NRG3: variants seen among roughly 807,000 people sequenced by gnomAD.
NRG3 encodes the protein neuregulin 3.
Under a neutral mutation model 66.9 loss-of-function variants are expected in NRG3, and 31 were observed. The observed-to-expected ratio is 0.46, with a 90% CI of 0.35 to 0.63. NRG3 has a LOEUF of 0.63. Ranked by LOEUF, NRG3 falls within the 20% of genes least tolerant of loss-of-function variation. The pLI is 0.00. For missense variants in NRG3, 910 were observed against 878.9 expected, an observed-to-expected ratio of 1.04 and a Z score of -0.45; for synonymous variants, 393 against 359.4, an observed-to-expected ratio of 1.09 and a Z score of -1.06.
At chr10:82,458,364 C>G (rs994728880) in intron 2 of NRG3, among the ~76,000 whole-genome samples, 1 of 152,146 alleles carries the variant, frequency 6.6e-6, no homozygotes, top group African/African-American at 2.4e-5. Flanking sequence ...ACAAACAGAG[C>G]ATCCACTCTG....
At chr10:82,979,870 A>G (rs1047013234) in intron 8 of NRG3, among the ~76,000 whole-genome samples, 1 of 152,170 alleles carries the variant, frequency 6.6e-6, no homozygotes, top group Admixed American at 6.5e-5. Context: ...TGACTGTGAT[A>G]ATATTTTATG....
At chr10:82,358,636 G>A (rs911705835) in intron 1 of NRG3, 103 bp from the exon 2 acceptor site, 11 of 1,512,432 alleles carry the variant, frequency 7.3e-6, no homozygotes, top group Non-Finnish European at 1.0e-5. Context: ...AGAGGTCAGA[G>A]CCCATGAGAA....
intron 1 of NRG3, among the ~76,000 whole-genome samples, chr10:81,930,196 A>G (rs1477485949): frequency 6.6e-6 from 1 of 152,140 alleles, no homozygotes; most frequent in East Asian, 1.9e-4. Flanking sequence ...AAACTGGTAC[A>G]CTGCAATTCA....
chr10:82,970,923 T>G (rs1592131202), intron 6 of NRG3, among the ~76,000 whole-genome samples: 1 of 152,172 alleles, frequency 6.6e-6, no homozygotes, highest in Admixed American at 6.5e-5. Flanking sequence ...CTGAGGCTGG[T>G]TAATTTATAA....
chr10:82,284,640 T>C (rs1004507749), intron 1 of NRG3, among the ~76,000 whole-genome samples: 2 of 152,256 alleles, frequency 1.3e-5, no homozygotes, highest in South Asian at 2.1e-4. Context: ...TTTGTATTTC[T>C]CTTCTCTCAT....
intron 1 of NRG3, among the ~76,000 whole-genome samples, chr10:82,326,818 T>C (rs2081896368): frequency 6.6e-6 from 1 of 152,222 alleles, no homozygotes. Flanking sequence ...TGGAAATTTC[T>C]CATCACCTTT....
At chr10:82,466,924 AAAAAC>A (rs1248769684) in intron 2 of NRG3, among the ~76,000 whole-genome samples, 1 of 152,098 alleles carries the variant, frequency 6.6e-6, no homozygotes, top group African/African-American at 2.4e-5. Flanking sequence ...AAAAAAAAAA[AAAAAC>A]AAAACATATT....
chr10:82,174,256 T>G (rs2072860735), intron 1 of NRG3, among the ~76,000 whole-genome samples: 1 of 152,150 alleles, frequency 6.6e-6, no homozygotes, highest in Non-Finnish European at 1.5e-5. Context: ...CCTTGAGTAA[T>G]TTCAAGGTTG....
chr10:82,582,135 T>C (rs905864447), intron 2 of NRG3, among the ~76,000 whole-genome samples: 2 of 152,082 alleles, frequency 1.3e-5, no homozygotes, highest in Non-Finnish European at 2.9e-5. Flanking sequence ...ATATTTATAC[T>C]CGTCAGCAAA....
chr10:82,442,484 G>A (rs2090480458), intron 2 of NRG3, among the ~76,000 whole-genome samples: 1 of 152,156 alleles, frequency 6.6e-6, no homozygotes, highest in African/African-American at 2.4e-5. Flanking sequence ...GTGAGAAGGA[G>A]ATCCACGTGG....
chr10:82,194,899 G>T (rs116736218), intron 1 of NRG3, among the ~76,000 whole-genome samples: 4 of 152,108 alleles, frequency 2.6e-5, no homozygotes, highest in African/African-American at 2.4e-5. Flanking sequence ...TCAGGCATCA[G>T]TGCTTTTTCA....
At chr10:82,486,125 A>G (rs373489662) in intron 2 of NRG3, among the ~76,000 whole-genome samples, 242 of 152,308 alleles carry the variant, frequency 1.6e-3, no homozygotes, top group Middle Eastern at 0.01. Flanking sequence ...GAGCATGGCC[A>G]TTATCAAAGA....
intron 1 of NRG3, among the ~76,000 whole-genome samples, chr10:82,061,388 TA>T (rs2064132502): frequency 2.0e-5 from 3 of 152,046 alleles, no homozygotes; most frequent in African/African-American, 7.2e-5. Context: ...ACAATAATTT[TA>T]AAACAGGTAG....
chr10:82,150,073 T>C (rs1278527774), intron 1 of NRG3, among the ~76,000 whole-genome samples: 3 of 152,000 alleles, frequency 2.0e-5, no homozygotes, highest in Non-Finnish European at 4.4e-5. Flanking sequence ...TTCCCATCAA[T>C]CTATTCCAGC....
intron 2 of NRG3, among the ~76,000 whole-genome samples, chr10:82,730,322 G>T (rs2057835957): frequency 6.6e-6 from 1 of 151,744 alleles, no homozygotes; most frequent in Non-Finnish European, 1.5e-5. Flanking sequence ...CTGACCTTGT[G>T]ATCCACCCGC....
intron 2 of NRG3, among the ~76,000 whole-genome samples, chr10:82,514,203 T>C (rs1416731918): frequency 6.6e-6 from 1 of 152,230 alleles, no homozygotes; most frequent in Non-Finnish European, 1.5e-5. Context: ...CAGGCTCCAT[T>C]TGTAAATTTT....
intron 1 of NRG3, among the ~76,000 whole-genome samples, chr10:82,040,738 T>G (rs1172991492): frequency 6.6e-6 from 1 of 151,980 alleles, no homozygotes; most frequent in Non-Finnish European, 1.5e-5. Context: ...GGTCCCAAAG[T>G]CCATATTCTG....
At chr10:82,562,395 T>G (rs2045110452) in intron 2 of NRG3, among the ~76,000 whole-genome samples, 1 of 152,190 alleles carries the variant, frequency 6.6e-6, no homozygotes, top group South Asian at 2.1e-4. Flanking sequence ...TTGTTTTTAT[T>G]TTGTTGAAAG....
rs1846030794 is a variant in NRG3 at position 82,519,828 on chromosome 10, T to C, written c.953+160960T>C. Among the ~76,000 whole-genome samples, 3 of 152,046 alleles carry C rather than the reference T, an allele frequency of 2.0e-5. 1 individual carries two copies. In the South Asian group the frequency reaches 6.2e-4, roughly 32 times the overall value. ...AAGACGCAACCAAACTGGGGAAGAA[T>C]TAGTGGCTTGGTGAAGTCTTTGAAG... is the stretch of plus-strand genomic sequence containing the variant. On this transcript the variant is annotated intron_variant, in intron 2 of 8. Transcript: ENST00000372141.
Sources: gnomAD v4.1 joint callset for allele counts (sites outside exome capture counted in the v4.1 genomes callset) on GRCh38, gnomAD v4.1.1 for gene constraint, MANE v1.5 for transcripts, NCBI Gene and HGNC (gene_info 2026-07-23, HGNC 2026-07-21) for gene names.